Variants in TEK observed in about 807,000 individuals in gnomAD.
The protein encoded by TEK is angiopoietin-1 receptor.
TEK carries 43 observed loss-of-function variants against 131.8 expected under a neutral mutation model. That is an observed-to-expected ratio of 0.33 (90% confidence interval 0.26 to 0.42). The LOEUF is 0.42. Among genes scored for constraint, TEK ranks in the 10% least tolerant of loss-of-function variants. TEK has a pLI of 1.00. For synonymous variants in TEK, 580 were observed against 491.6 expected (o/e 1.18, Z -2.38); for missense variants, 1,162 against 1,384.4 (o/e 0.84, Z 2.55).
chr9:27,186,695 T>G (rs1824610634), intron 9 of TEK, among the ~76,000 whole-genome samples: 1 of 152,202 alleles, frequency 6.6e-6, no homozygotes, highest in South Asian at 2.1e-4. Context: ...TCTCTTGTGT[T>G]ACAGAGGAGG....
At chr9:27,218,968 CAT>C in intron 20 of TEK, 151 bp downstream of exon 20, 1 of 813,838 alleles carries the variant, frequency 1.2e-6, no homozygotes, top group Admixed American at 2.0e-5. Flanking sequence ...TATTAATTCC[CAT>C]ATTTTTCTTT....
intron 20 of TEK, among the ~76,000 whole-genome samples, chr9:27,219,284 G>A (rs494726): frequency 0.86 from 131,051 of 152,252 alleles, 56,771 homozygotes; most frequent in East Asian, 1. Flanking sequence ...CATATACACC[G>A]TGGAATACTA....
At chr9:27,142,487 C>A (rs559931767) in intron 1 of TEK, among the ~76,000 whole-genome samples, 1 of 152,192 alleles carries the variant, frequency 6.6e-6, no homozygotes, top group East Asian at 1.9e-4. Context: ...TGGGGACTTC[C>A]GTAGCACTGG....
intron 2 of TEK, among the ~76,000 whole-genome samples, chr9:27,159,787 C>T (rs576363603): frequency 3.3e-5 from 5 of 152,260 alleles, no homozygotes; most frequent in African/African-American, 9.6e-5. Context: ...ACTTCTGGTG[C>T]TCTTGATGCT....
At chr9:27,160,825 C>A (rs568024477) in intron 2 of TEK, among the ~76,000 whole-genome samples, 1 of 152,164 alleles carries the variant, frequency 6.6e-6, no homozygotes, top group Non-Finnish European at 1.5e-5. Context: ...TGCAGCTCTC[C>A]GTTGAGGGAA....
chr9:27,223,959 A>G (rs1826195255), intron 21 of TEK, among the ~76,000 whole-genome samples: 1 of 152,218 alleles, frequency 6.6e-6, no homozygotes, highest in African/African-American at 2.4e-5. Context: ...AATACAAACT[A>G]CCATCAGAGA....
chr9:27,131,478 C>CA (rs537408115), intron 1 of TEK, among the ~76,000 whole-genome samples: 19,433 of 96,980 alleles, frequency 0.2, 2,573 homozygotes, highest in African/African-American at 0.42. Context: ...GACCCTGTCT[C>CA]AAAAAAAAAA....
Position 27,180,237 on chromosome 9 carries a change from C to T in TEK, c.902-3C>T. 6.2e-7 allele frequency: 1 copy of T among 1,613,730 alleles called. No homozygotes were observed. The highest frequency in any genetic ancestry group is 8.5e-7 in the Non-Finnish European group (1 of 1,179,742). On this transcript the variant is annotated splice_region_variant and splice_polypyrimidine_tract_variant and intron_variant, in intron 6 of 22. Coordinates refer to ENST00000380036, the MANE Select transcript of TEK (RefSeq NM_000459.5). The stretch of plus-strand genomic sequence containing the variant: ...ACTGGTTTTTTGATGTCTCTGTTTA[C>T]AGCATGCCACCCTGGTTTTTACGGG...
intron 9 of TEK, among the ~76,000 whole-genome samples, chr9:27,185,971 A>C (rs574144917): frequency 6.6e-6 from 1 of 152,308 alleles, no homozygotes; most frequent in East Asian, 1.9e-4. Flanking sequence ...AACACATACA[A>C]TACTTGGAGT....
In TEK at chr9:27,169,504, A is replaced by G. The variant is rs1050993601; in HGVS notation, c.503A>G (p.His168Arg). The change falls in exon 4 of 23, where the codon CAT becomes CGT. Residue 168 changes from histidine (H) to arginine (R), a missense_variant. Transcript: ENST00000380036. ...TCCTTCATCCATTCAGTGCCCCGGC[A>G]TGAAGTACCTGATATTCTAGAAGTA... ...NGSFIHSVPR[H>R]EVPDILEVHL... is the part of the protein sequence containing the mutation. 1 of 1,613,980 alleles carries G rather than the reference A, an allele frequency of 6.2e-7. No individual in the cohort carries two copies. Among genetic ancestry groups the G allele is most frequent in the African/African-American group, 1.3e-5 (1 of 74,916 alleles).
chr9:27,160,412 A>AT (rs959191728), intron 2 of TEK, among the ~76,000 whole-genome samples: 6 of 151,966 alleles, frequency 3.9e-5, no homozygotes, highest in South Asian at 2.1e-4. Context: ...TGTAGTCTGC[A>AT]TTTTTTTTAG....
chr9:27,165,133 GCA>G (rs796888765), intron 2 of TEK, among the ~76,000 whole-genome samples: 5 of 152,238 alleles, frequency 3.3e-5, no homozygotes, highest in African/African-American at 1.2e-4. Flanking sequence ...AGGTTAAAAA[GCA>G]CAGTCCTAAA....
intron 6 of TEK, among the ~76,000 whole-genome samples, chr9:27,173,825 G>T (rs1353176236): frequency 6.7e-6 from 1 of 148,930 alleles, no homozygotes; most frequent in African/African-American, 2.5e-5. Context: ...AGTTATTCAG[G>T]AGGCTGAGGC....
At chr9:27,212,460 T>C (rs1456852849) in intron 16 of TEK, among the ~76,000 whole-genome samples, 1 of 152,046 alleles carries the variant, frequency 6.6e-6, no homozygotes, top group Non-Finnish European at 1.5e-5. Flanking sequence ...TCTGTGTGAG[T>C]GCAGGTTTGG....
chr9:27,175,213 C>T (rs1002865451), intron 6 of TEK, among the ~76,000 whole-genome samples: 22 of 147,582 alleles, frequency 1.5e-4, no homozygotes, highest in Admixed American at 1.4e-3. Flanking sequence ...GTTCAATTCC[C>T]ATCTATGAGT....
At chr9:27,149,289 G>A (rs1296966356) in intron 1 of TEK, among the ~76,000 whole-genome samples, 1 of 151,988 alleles carries the variant, frequency 6.6e-6, no homozygotes, top group Admixed American at 6.5e-5. Flanking sequence ...GGTTCAAATT[G>A]TATCTTTCTA....
intron 6 of TEK, among the ~76,000 whole-genome samples, chr9:27,174,963 TG>T (rs1297903905): frequency 1.8e-5 from 2 of 114,046 alleles, no homozygotes; most frequent in African/African-American, 6.6e-5. Flanking sequence ...CAGGTTTTTT[TG>T]TTTTTTTTTT....
chr9:27,204,691 A>C (rs765356599), intron 13 of TEK, among the ~76,000 whole-genome samples: 99 of 138,914 alleles, frequency 7.1e-4, no homozygotes, highest in Non-Finnish European at 1.1e-3. Context: ...GCACTTTTGC[A>C]TGTTTTTTTT....
intron 1 of TEK, among the ~76,000 whole-genome samples, chr9:27,154,147 TTCTG>T (rs1199871751): frequency 6.6e-6 from 1 of 152,154 alleles, no homozygotes; most frequent in Non-Finnish European, 1.5e-5. Context: ...CTCTCTCTCT[TTCTG>T]TCTCTCTTTT....
Sources: gnomAD v4.1 joint callset for allele counts (sites outside exome capture counted in the v4.1 genomes callset) on GRCh38, gnomAD v4.1.1 for gene constraint, MANE v1.5 for transcripts, NCBI Gene and HGNC (gene_info 2026-07-23, HGNC 2026-07-21) for gene names.